TMEM131: variants seen among roughly 807,000 people sequenced by gnomAD.
The protein encoded by TMEM131 is transmembrane protein 131.
TMEM131 carries 66 observed loss-of-function variants against 211.6 expected under a neutral mutation model. The ratio of observed to expected loss-of-function variants is 0.31; its 90% CI spans 0.26 to 0.38. The LOEUF (loss-of-function observed/expected upper bound fraction) is 0.38, where lower values mean the gene tolerates loss of function less well. TMEM131 is among the 10% of genes least tolerant of loss of function. The pLI, the probability that TMEM131 is intolerant of heterozygous loss-of-function variation, is 1.00. For missense variants in TMEM131, 2,036 were observed against 2,299.3 expected (o/e 0.89, Z 2.34); for synonymous variants, 844 against 841.3 (o/e 1.00, Z -0.06).
intron 29 of TMEM131, 64 bp from the exon 30 acceptor site, chr2:97,793,617 G>A (rs1680606829): frequency 6.2e-6 from 9 of 1,451,526 alleles, no homozygotes; most frequent in South Asian, 2.6e-5. Context: ...AACAAAATTC[G>A]ATGTTAAAGG....
intron 3 of TMEM131, among the ~76,000 whole-genome samples, chr2:97,889,378 C>G (rs965125560): frequency 6.6e-6 from 1 of 151,958 alleles, no homozygotes; most frequent in Non-Finnish European, 1.5e-5. Context: ...TGCTTTCTGC[C>G]CTGTCTGTTT....
At chr2:97,842,683 A>G (rs891873939) in intron 6 of TMEM131, among the ~76,000 whole-genome samples, 1 of 152,160 alleles carries the variant, frequency 6.6e-6, no homozygotes, top group Non-Finnish European at 1.5e-5. Flanking sequence ...GTGAAAGACT[A>G]GATGTGAAGA....
intron 1 of TMEM131, among the ~76,000 whole-genome samples, chr2:97,980,407 A>G (rs995838662): frequency 2.0e-5 from 3 of 152,222 alleles, no homozygotes; most frequent in Non-Finnish European, 4.4e-5. Flanking sequence ...GATGGCTAAA[A>G]TTAAAGGACT....
At chr2:97,958,814 C>T (rs573996803) in intron 1 of TMEM131, among the ~76,000 whole-genome samples, 2 of 152,292 alleles carry the variant, frequency 1.3e-5, no homozygotes, top group African/African-American at 2.4e-5. Context: ...AACAGAGGGA[C>T]GAAACTGAAG....
chr2:97,880,009 T>A (rs1674858882), intron 4 of TMEM131, among the ~76,000 whole-genome samples: 1 of 152,180 alleles, frequency 6.6e-6, no homozygotes, highest in South Asian at 2.1e-4. Flanking sequence ...GGTCATGAGG[T>A]CTGCTGCTTT....
intron 4 of TMEM131, among the ~76,000 whole-genome samples, chr2:97,886,168 T>C (rs761254856): frequency 1.3e-5 from 2 of 152,210 alleles, no homozygotes; most frequent in African/African-American, 2.4e-5. Context: ...AAATCATGAA[T>C]TGTTTTCTTG....
At chr2:97,948,660 T>A (rs944426019) in intron 1 of TMEM131, among the ~76,000 whole-genome samples, 1 of 151,768 alleles carries the variant, frequency 6.6e-6, no homozygotes, top group Non-Finnish European at 1.5e-5. Flanking sequence ...TTCTTTTTTT[T>A]TTATTTATTT....
intron 11 of TMEM131, among the ~76,000 whole-genome samples, chr2:97,821,093 T>C (rs993285494): frequency 1.3e-5 from 2 of 152,172 alleles, no homozygotes; most frequent in Non-Finnish European, 2.9e-5. Flanking sequence ...CAGCAACAAT[T>C]CAGAGGTGAA....
At position 97,859,390 on chromosome 2, in the gene TMEM131, G is replaced by T. The variant is rs202224948; in HGVS notation, c.397C>A (p.His133Asn). ...GMPKMEKVYLHNPSSEETITL... is the reference protein window; with the variant it reads ...GMPKMEKVYLNNPSSEETITL... ...ATCGTTTCTTCAGAACTAGGATTAT[G>T]TAAGTAGACTTTTTCCATTTTTGGC... The change falls in exon 5 of 41, where the codon CAT becomes AAT. Residue 133 changes from histidine to asparagine, a missense_variant. Coordinates refer to ENST00000186436, the MANE Select transcript of TMEM131 (RefSeq NM_015348.2). 104 of 1,594,032 alleles carry T rather than the reference G, an allele frequency of 6.5e-5. No homozygotes were observed. The highest frequency in any genetic ancestry group is 8.5e-5 in the Non-Finnish European group (100 of 1,173,852).
intron 25 of TMEM131, among the ~76,000 whole-genome samples, chr2:97,800,975 T>C (rs1438615582): frequency 6.6e-6 from 1 of 152,236 alleles, no homozygotes; most frequent in Non-Finnish European, 1.5e-5. Context: ...AATACTACTT[T>C]GAATATTACT....
chr2:97,863,996 T>G (rs970250057), intron 4 of TMEM131, among the ~76,000 whole-genome samples: 1 of 152,110 alleles, frequency 6.6e-6, no homozygotes, highest in African/African-American at 2.4e-5. Flanking sequence ...ACCAGATGAA[T>G]GGATAAAAAA....
At chr2:97,825,681 G>A (rs970108418) in intron 11 of TMEM131, among the ~76,000 whole-genome samples, 1 of 152,190 alleles carries the variant, frequency 6.6e-6, no homozygotes, top group Non-Finnish European at 1.5e-5. Flanking sequence ...GTCAGAGAGA[G>A]AGCAGGGATA....
intron 4 of TMEM131, among the ~76,000 whole-genome samples, chr2:97,872,849 T>C (rs570469036): frequency 4.6e-5 from 7 of 152,306 alleles, no homozygotes; most frequent in African/African-American, 1.2e-4. Context: ...ATGAGTTCTT[T>C]TTTTTCCATA....
intron 1 of TMEM131, among the ~76,000 whole-genome samples, chr2:97,952,135 T>C (rs1438863292): frequency 6.7e-6 from 1 of 148,888 alleles, no homozygotes; most frequent in Non-Finnish European, 1.5e-5. Flanking sequence ...CCAGCCTGGG[T>C]GACAGAGCGA....
At position 97,800,595 on chromosome 2, in the gene TMEM131, C is replaced by CAAA. The variant is rs3064071; in HGVS notation, c.2718+1297_2718+1299dup. On this transcript the variant is annotated intron_variant, in intron 25 of 40. Coordinates refer to ENST00000186436, the MANE Select transcript of TMEM131 (RefSeq NM_015348.2). ...TGAAACCCCGGCTCTACTAAAAATA[C>CAAA]AAAAAAAAAAAAATTAGCCAGGTGT... Among the ~76,000 whole-genome samples, 15 of 123,266 alleles carry CAAA rather than the reference C, an allele frequency of 1.2e-4. 1 individual carries two copies. Among genetic ancestry groups the CAAA allele is most frequent in the Non-Finnish European group, 1.6e-4 (10 of 60,830 alleles). 80.9% of individuals were successfully genotyped at this position (123,266 alleles called of 152,430 possible).
chr2:97,919,231 C>T (rs959867168), intron 2 of TMEM131, among the ~76,000 whole-genome samples: 2 of 152,218 alleles, frequency 1.3e-5, no homozygotes, highest in African/African-American at 2.4e-5. Context: ...GTTATCCACA[C>T]ACTTAAACAT....
chr2:97,792,455 C>G lies in TMEM131; in HGVS notation c.4075G>C (p.Asp1359His). 1 of 1,613,238 alleles carries G rather than the reference C, an allele frequency of 6.2e-7. No individual in the cohort carries two copies. ...SLIEAMDKDF[D>H]HHDSPALEVF... Reference sequence around the variant, plus strand: ...TCTAGGGCTGGGGAGTCATGGTGGTCGAAGTCTTTGTCCATGGCTTCTATG... The same window carrying G: ...TCTAGGGCTGGGGAGTCATGGTGGTGGAAGTCTTTGTCCATGGCTTCTATG... Residue 1359 changes from aspartate (D) to histidine (H), a missense_variant, in exon 31 of 41, where the codon GAC becomes CAC. Asp to His is a moderately conservative substitution (Grantham distance 81). Coordinates refer to ENST00000186436, the MANE Select transcript of TMEM131 (RefSeq NM_015348.2).
chr2:97,918,709 T>C (rs1214970824), intron 2 of TMEM131, among the ~76,000 whole-genome samples: 2 of 152,168 alleles, frequency 1.3e-5, no homozygotes, highest in African/African-American at 2.4e-5. Context: ...TCGATCCTGT[T>C]TTGGACAAAC....
chr2:97,859,260 C>T (rs767250818), intron 5 of TMEM131, 44 bp downstream of exon 5: 37 of 1,539,060 alleles, frequency 2.4e-5, no homozygotes, highest in Non-Finnish European at 3.1e-5. Context: ...CTAGACATTT[C>T]AACTTCAAAC....
Sources: allele counts gnomAD v4.1 joint callset (sites outside exome capture counted in the v4.1 genomes callset), GRCh38; gene constraint gnomAD v4.1.1; transcripts MANE v1.5; gene names NCBI Gene and HGNC (gene_info 2026-07-23, HGNC 2026-07-21).